The following MGAT5 variants were observed in gnomAD, a reference collection of about 807,000 sequenced individuals.
The protein encoded by MGAT5 is alpha-1,6-mannosylglycoprotein 6-beta-N-acetylglucosaminyltransferase, also known as alpha-1,6-mannosylglycoprotein 6-beta-N-acetylglucosaminyltransferase A.
Under a neutral mutation model 94.3 loss-of-function variants are expected in MGAT5, and 30 were observed. The observed-to-expected ratio is 0.32, with a 90% CI of 0.24 to 0.43. MGAT5 has a LOEUF of 0.43. Among genes scored for constraint, MGAT5 ranks in the 20% least tolerant of loss-of-function variants. The probability of loss-of-function intolerance (pLI) is 1.00; values close to 1 mark genes in which losing one functional copy is unlikely to be tolerated. For missense variants in MGAT5, 691 were observed against 905.5 expected, an observed-to-expected ratio of 0.76 and a Z score of 3.04; for synonymous variants, 310 against 322.9, an observed-to-expected ratio of 0.96 and a Z score of 0.43.
intron 1 of MGAT5, among the ~76,000 whole-genome samples, chr2:134,146,470 G>T (rs1243500818): frequency 6.6e-6 from 1 of 152,046 alleles, no homozygotes; most frequent in East Asian, 1.9e-4. Flanking sequence ...TGAGGTGGTA[G>T]TGTCTTTTGA....
chr2:134,150,676 G>T (rs1573747915), intron 1 of MGAT5, among the ~76,000 whole-genome samples: 1 of 152,256 alleles, frequency 6.6e-6, no homozygotes, highest in African/African-American at 2.4e-5. Flanking sequence ...AAGTGAAAAA[G>T]TACATAGGGT....
chr2:134,281,064 C>A (rs748719974), intron 2 of MGAT5, among the ~76,000 whole-genome samples: 6 of 152,172 alleles, frequency 3.9e-5, no homozygotes, highest in Non-Finnish European at 8.8e-5. Context: ...ACTCTGGGTC[C>A]ACTTACATAC....
chr2:134,241,322 C>T (rs1037523826), intron 1 of MGAT5, among the ~76,000 whole-genome samples: 3 of 152,170 alleles, frequency 2.0e-5, no homozygotes, highest in African/African-American at 7.2e-5. Flanking sequence ...AACATTCTGC[C>T]GGAAAACATG....
intron 1 of MGAT5, among the ~76,000 whole-genome samples, chr2:134,147,193 C>G (rs1415388727): frequency 6.6e-6 from 1 of 152,094 alleles, no homozygotes; most frequent in Non-Finnish European, 1.5e-5. Flanking sequence ...GATAATGGTA[C>G]AGCATGGATG....
intron 1 of MGAT5, chr2:134,231,239 T>C (rs1681347717): frequency 1.3e-5 from 2 of 152,204 alleles, no homozygotes; most frequent in Non-Finnish European, 2.9e-5. Context: ...TGTTCTGATA[T>C]TGGAAGCTAA....
At chr2:134,369,329 A>G (rs1444032154) in intron 10 of MGAT5, among the ~76,000 whole-genome samples, 1 of 152,212 alleles carries the variant, frequency 6.6e-6, no homozygotes, top group Non-Finnish European at 1.5e-5. Context: ...TACAGACCAC[A>G]TAGAGGCTTC....
At chr2:134,367,373 A>G (rs537652330) in intron 10 of MGAT5, among the ~76,000 whole-genome samples, 1 of 152,330 alleles carries the variant, frequency 6.6e-6, no homozygotes, top group African/African-American at 2.4e-5. Context: ...TAGTCTATGT[A>G]AGTGGTTGGC....
At chr2:134,258,350 A>G (rs374556815) in intron 1 of MGAT5, among the ~76,000 whole-genome samples, 1 of 152,228 alleles carries the variant, frequency 6.6e-6, no homozygotes, top group East Asian at 1.9e-4. Context: ...TATTGATTCA[A>G]CTATTTCCCA....
chr2:134,452,559 T>C lies in MGAT5; in HGVS notation c.*3712T>C, dbSNP rs1207108522. 6.6e-6 allele frequency: 1 copy of C among 152,124 alleles called. No individual in the cohort carries two copies. The highest frequency in any genetic ancestry group is 1.5e-5 in the Non-Finnish European group (1 of 68,002). 9.4% of individuals were successfully genotyped at this position (152,124 alleles called of 1,614,324 possible). A position where few individuals can be genotyped will look rare whatever the true frequency, so the allele number is the denominator to read the frequency against. ...TATGATGTGTTGGACTGAAACTGTA[T>C]GTCTGTAGGTAGGTGTGTGCCTTTT... On this transcript the variant is annotated 3_prime_UTR_variant, in exon 16 of 16. Coordinates refer to ENST00000281923, the MANE Select transcript of MGAT5 (RefSeq NM_002410.5).
At chr2:134,392,772 C>T (rs753877689) in intron 10 of MGAT5, among the ~76,000 whole-genome samples, 10 of 152,328 alleles carry the variant, frequency 6.6e-5, no homozygotes, top group South Asian at 2.1e-4. Context: ...CAAGCACAGC[C>T]CTACAACTAG....
intron 1 of MGAT5, among the ~76,000 whole-genome samples, chr2:134,129,224 C>T (rs531045740): frequency 6.6e-6 from 1 of 152,290 alleles, no homozygotes; most frequent in African/African-American, 2.4e-5. Flanking sequence ...GCTCATGCCC[C>T]CTTCTCCAGT....
intron 2 of MGAT5, among the ~76,000 whole-genome samples, chr2:134,299,697 A>G (rs182763706): frequency 1.4e-4 from 22 of 151,906 alleles, no homozygotes; most frequent in Non-Finnish European, 2.2e-4. Flanking sequence ...TTCCTCATGA[A>G]TTTTTTCAGA....
At chr2:134,144,230 A>G (rs1442942543) in intron 1 of MGAT5, among the ~76,000 whole-genome samples, 1 of 152,176 alleles carries the variant, frequency 6.6e-6, no homozygotes, top group Non-Finnish European at 1.5e-5. Flanking sequence ...TTACAGTTTC[A>G]CAGGCTGTGA....
chr2:134,430,116 A>G (rs1013919726), intron 14 of MGAT5, among the ~76,000 whole-genome samples: 2 of 152,130 alleles, frequency 1.3e-5, no homozygotes, highest in African/African-American at 2.4e-5. Flanking sequence ...GCCTCCTTCA[A>G]TTATGGGTCT....
intron 9 of MGAT5, among the ~76,000 whole-genome samples, chr2:134,350,317 C>A (rs1194004474): frequency 6.6e-6 from 1 of 152,126 alleles, no homozygotes; most frequent in African/African-American, 2.4e-5. Flanking sequence ...GTCTTTCATG[C>A]AGATCTATTT....
At chr2:134,274,985 G>A (rs984291561) in intron 2 of MGAT5, among the ~76,000 whole-genome samples, 8 of 152,154 alleles carry the variant, frequency 5.3e-5, no homozygotes, top group African/African-American at 1.9e-4. Flanking sequence ...GAGTTCCAGG[G>A]CTTGCATTTG....
At chr2:134,221,686 G>T (rs1031269011) in intron 1 of MGAT5, among the ~76,000 whole-genome samples, 1 of 152,136 alleles carries the variant, frequency 6.6e-6, no homozygotes, top group Non-Finnish European at 1.5e-5. Context: ...TTATTTTCTT[G>T]CTTGTTATGC....
Position 134,357,874 on chromosome 2 carries a change from T to C in MGAT5, c.1247-4401T>C, listed in dbSNP as rs1443229570. Among the ~76,000 whole-genome samples the C allele has an allele frequency of 2.0e-4, 3 of 14,838 alleles. No homozygotes were observed. In the Admixed American group the frequency reaches 2.8e-3, roughly 14 times the overall value. The allele number at this position is 14,838 out of a possible 152,430, so 9.7% of individuals were successfully genotyped here. ...TTGAAGAAACTAGTATCACCACCATTTGGAAAAAAAAAAAAATCAGTTTTT... is the reference window on the plus strand; with the variant it reads ...TTGAAGAAACTAGTATCACCACCATCTGGAAAAAAAAAAAAATCAGTTTTT... On this transcript the variant is annotated intron_variant, in intron 9 of 15. Coordinates refer to ENST00000281923, the MANE Select transcript of MGAT5 (RefSeq NM_002410.5).
intron 5 of MGAT5, among the ~76,000 whole-genome samples, chr2:134,336,706 G>A (rs1485953897): frequency 6.6e-6 from 1 of 152,120 alleles, no homozygotes; most frequent in Non-Finnish European, 1.5e-5. Context: ...TTTAAATGAT[G>A]AGTGAGTTTA....
Sources: gnomAD v4.1 joint callset for allele counts (sites outside exome capture counted in the v4.1 genomes callset) on GRCh38, gnomAD v4.1.1 for gene constraint, MANE v1.5 for transcripts, NCBI Gene and HGNC (gene_info 2026-07-23, HGNC 2026-07-21) for gene names.